The following P2RY14 variants were observed in gnomAD, a reference collection of about 807,000 sequenced individuals.
P2RY14 encodes P2Y purinoceptor 14.
A neutral mutation model predicts 0.9 loss-of-function variants in P2RY14; 2 were observed. The ratio of observed to expected loss-of-function variants is 2.16; its 90% confidence interval spans 0.88 to 6.79. The LOEUF (loss-of-function observed/expected upper bound fraction) is 6.79, where lower values mean the gene tolerates loss of function less well. P2RY14 is among the 30% of genes most tolerant of loss of function. The pLI, the probability that P2RY14 is intolerant of heterozygous loss-of-function variation, is 0.05. For synonymous variants in P2RY14, 158 were observed against 147.2 expected (o/e 1.07, Z -0.53); for missense variants, 378 against 400.1 (o/e 0.94, Z 0.47).
At chr3:151,250,307 A>T (rs1348050459) in intron 1 of P2RY14, among the ~76,000 whole-genome samples, 1 of 152,186 alleles carries the variant, frequency 6.6e-6, no homozygotes, top group Non-Finnish European at 1.5e-5. Flanking sequence ...TTGCCACCTT[A>T]ACTATTTTTA....
At chr3:151,266,512 G>A (rs1739859898) in intron 1 of P2RY14, among the ~76,000 whole-genome samples, 1 of 152,214 alleles carries the variant, frequency 6.6e-6, no homozygotes, top group Admixed American at 6.5e-5. Flanking sequence ...TAATAGTGCA[G>A]TCCTTTTTAA....
At chr3:151,227,634 G>A (rs1460456505) in intron 1 of P2RY14, among the ~76,000 whole-genome samples, 2 of 152,152 alleles carry the variant, frequency 1.3e-5, no homozygotes, top group Non-Finnish European at 2.9e-5. Flanking sequence ...TGTGGCATAG[G>A]CACCTCATGA....
At chr3:151,269,226 C>G (rs1391188430) in intron 1 of P2RY14, among the ~76,000 whole-genome samples, 3 of 152,130 alleles carry the variant, frequency 2.0e-5, no homozygotes, top group Non-Finnish European at 4.4e-5. Context: ...CATGCAGAAA[C>G]CCCATCTCTA....
rs1727673175 is a variant in P2RY14 at position 151,214,001 on chromosome 3, A to G, written c.316T>C (p.Tyr106His). 1 of 1,613,990 alleles carries G rather than the reference A, an allele frequency of 6.2e-7. No homozygotes were observed. Among genetic ancestry groups the G allele is most frequent in the Non-Finnish European group, 8.5e-7 (1 of 1,179,976 alleles). Residue 106 changes from tyrosine (Y) to histidine (H), a missense_variant, in exon 3 of 3, where the codon TAC becomes CAC. Coordinates refer to ENST00000309170, the MANE Select transcript of P2RY14 (RefSeq NM_014879.4). ...AGCCCAAAGAACACAATGCTGACGT[A>G]CATGTTGACGTAGAAGAGCACGGCA... ...VSAVLFYVNM[Y>H]VSIVFFGLIS...
At chr3:151,229,177 T>G (rs1282708769) in intron 1 of P2RY14, among the ~76,000 whole-genome samples, 3 of 152,202 alleles carry the variant, frequency 2.0e-5, no homozygotes, top group African/African-American at 7.2e-5. Context: ...TGTACAGAAG[T>G]GATTCCCATA....
chr3:151,230,394 G>A (rs1287488786), intron 1 of P2RY14, among the ~76,000 whole-genome samples: 2 of 152,144 alleles, frequency 1.3e-5, no homozygotes, highest in Non-Finnish European at 2.9e-5. Context: ...CTTATGTCTT[G>A]CCCTGCCCCA....
chr3:151,257,835 T>C lies in P2RY14; in HGVS notation c.-133+20452A>G, dbSNP rs142439144. Among the ~76,000 whole-genome samples, 315 of 152,320 alleles carry C rather than the reference T, an allele frequency of 2.1e-3. 1 individual carries two copies. The highest frequency in any genetic ancestry group is 3.3e-3 in the Non-Finnish European group (226 of 68,028). The stretch of plus-strand genomic sequence containing the variant: ...TGTCATGTGGACCACTTGGCTTAGA[T>C]GAGAGTCACACAAATTTTTATATTC... On this transcript the variant is annotated intron_variant, in intron 1 of 2. Coordinates refer to ENST00000309170, the MANE Select transcript of P2RY14 (RefSeq NM_014879.4).
intron 1 of P2RY14, among the ~76,000 whole-genome samples, chr3:151,277,577 G>C (rs1020073888): frequency 5.8e-4 from 88 of 152,194 alleles, no homozygotes; most frequent in Non-Finnish European, 4.9e-4. Context: ...GGATTGCATG[G>C]GCTTGGTTGA....
rs1004347927 is a variant in P2RY14, at chr3:151,213,424, A to T, written c.893T>A (p.Leu298Gln). 1 of 1,614,170 alleles carries T rather than the reference A, an allele frequency of 6.2e-7. No homozygotes were observed. The highest frequency in any genetic ancestry group is 2.2e-5 in the East Asian group (1 of 44,882). The change falls in exon 3 of 3, where the codon CTA becomes CAA. Residue 298 changes from leucine to glutamine, a missense_variant. By Grantham distance (113) the Leu-to-Gln change is moderately radical (BLOSUM62 -2). Transcript: ENST00000309170. Reference sequence around the variant, plus strand: ...TAAGATTTCCCTAAACGGCTGGCATAGAAAGAAATAAATAATAGGGTCCAA... The same window carrying T: ...TAAGATTTCCCTAAACGGCTGGCATTGAAAGAAATAAATAATAGGGTCCAA... ...VCLDPIIYFF[L>Q]CQPFREILCK... is the part of the protein sequence containing the mutation.
In P2RY14 at chr3:151,250,739, A is replaced by G. The variant is rs138286524; in HGVS notation, c.-133+27548T>C. Among the ~76,000 whole-genome samples the G allele has an allele frequency of 3.9e-4, 59 of 152,296 alleles. 1 individual carries two copies. In the East Asian group the frequency reaches 9.7e-3, roughly 25 times the overall value. On this transcript the variant is annotated intron_variant, in intron 1 of 2. Coordinates refer to ENST00000309170, the MANE Select transcript of P2RY14 (RefSeq NM_014879.4). The stretch of plus-strand genomic sequence containing the variant: ...TGCTGCTATGAAAGTGGGTATACAA[A>G]TATCTGCTTAAGACCCTACTTTCAG...
At chr3:151,238,655 T>C (rs529867873) in intron 1 of P2RY14, among the ~76,000 whole-genome samples, 1 of 151,632 alleles carries the variant, frequency 6.6e-6, no homozygotes, top group African/African-American at 2.4e-5. Flanking sequence ...ACTCAACTGT[T>C]CATTGCATTT....
chr3:151,224,415 G>C (rs912991463), intron 1 of P2RY14, among the ~76,000 whole-genome samples: 1 of 149,284 alleles, frequency 6.7e-6, no homozygotes. Flanking sequence ...TTTTCTTGCT[G>C]CTTTAATCTC....
In P2RY14 at chr3:151,259,263, T is replaced by G. The variant is rs1414452320; in HGVS notation, c.-133+19024A>C. On this transcript the variant is annotated intron_variant, in intron 1 of 2. Coordinates refer to ENST00000309170, the MANE Select transcript of P2RY14 (RefSeq NM_014879.4). ...AGGTGCTATCAACCTCTGGCTTTCC[T>G]TCAGAAATAGGCACTCCTTTTGAAC... Among the ~76,000 whole-genome samples, 5 of 152,222 alleles carry G rather than the reference T, an allele frequency of 3.3e-5. No homozygotes were observed. The East Asian group carries it at 7.7e-4, about 23-fold the overall frequency.
Position 151,212,245 on chromosome 3 carries a change from G to C in P2RY14, c.*1055C>G, listed in dbSNP as rs1197468298. 1 of 152,176 alleles carries C rather than the reference G, an allele frequency of 6.6e-6. No individual in the cohort carries two copies. The highest frequency in any genetic ancestry group is 1.5e-5 in the Non-Finnish European group (1 of 68,032). 9.4% of individuals were successfully genotyped at this position (152,176 alleles called of 1,614,324 possible). A position where few individuals can be genotyped will look rare whatever the true frequency, so the allele number is the denominator to read the frequency against. On this transcript the variant is annotated 3_prime_UTR_variant, in exon 3 of 3. Coordinates refer to ENST00000309170, the MANE Select transcript of P2RY14 (RefSeq NM_014879.4). ...AATGTCTTCTAGCCAGTTAATAGCA[G>C]AGAAAGAATTTAGTTTTGGTAGCTC...
At chr3:151,249,036 T>G (rs548654349) in intron 1 of P2RY14, 4 of 152,226 alleles carry the variant, frequency 2.6e-5, no homozygotes, top group Non-Finnish European at 4.4e-5. Context: ...CTCTGAAATA[T>G]TGACATCTCG....
intron 1 of P2RY14, among the ~76,000 whole-genome samples, chr3:151,276,675 C>T (rs985922476): frequency 1.1e-4 from 17 of 152,172 alleles, no homozygotes; most frequent in Middle Eastern, 3.2e-3. Flanking sequence ...ATAGAGTGAA[C>T]GTTCTTCTAG....
Position 151,216,219 on chromosome 3 carries a change from C to T in P2RY14, c.-24-1879G>A, listed in dbSNP as rs185345994. 1.2e-4 allele frequency among the ~76,000 whole-genome samples: 18 copies of T among 152,268 alleles called. No individual in the cohort carries two copies. The East Asian group carries it at 3.3e-3, about 28-fold the overall frequency. ...TATTTGTGAAATAAATGAATATGCACTCTGGGAATACAAGGCATGAATCCT... is the reference window on the plus strand; with the variant it reads ...TATTTGTGAAATAAATGAATATGCATTCTGGGAATACAAGGCATGAATCCT... On this transcript the variant is annotated intron_variant, in intron 2 of 2. Coordinates refer to ENST00000309170, the MANE Select transcript of P2RY14 (RefSeq NM_014879.4).
chr3:151,257,347 G>GT (rs1038700935), intron 1 of P2RY14, among the ~76,000 whole-genome samples: 14 of 152,218 alleles, frequency 9.2e-5, no homozygotes, highest in Non-Finnish European at 1.9e-4. Context: ...CTGTAGTCCT[G>GT]TTTTTTTAAA....
chr3:151,243,085 G>A (rs1221998996), intron 1 of P2RY14, among the ~76,000 whole-genome samples: 16 of 151,136 alleles, frequency 1.1e-4, no homozygotes, highest in Admixed American at 1.1e-3. Flanking sequence ...AAAAAGAAAT[G>A]AGCAAAGCCT....
Sources: gnomAD v4.1 joint callset for allele counts (sites outside exome capture counted in the v4.1 genomes callset) on GRCh38, gnomAD v4.1.1 for gene constraint, MANE v1.5 for transcripts, NCBI Gene and HGNC (gene_info 2026-07-23, HGNC 2026-07-21) for gene names.